RUFY2: variants seen among roughly 807,000 people sequenced by gnomAD.
The protein encoded by RUFY2 is RUN and FYVE domain containing 2, also known as RUN and FYVE domain-containing protein 2.
RUFY2 carries 49 observed loss-of-function variants against 94.4 expected under a neutral mutation model. That is an observed-to-expected ratio of 0.52 (90% CI 0.41 to 0.66). The LOEUF (loss-of-function observed/expected upper bound fraction) is 0.66. RUFY2 is among the 30% of genes least tolerant of loss of function. RUFY2 has a pLI of 0.00. For synonymous variants in RUFY2, 255 were observed against 235.7 expected, an observed-to-expected ratio of 1.08 and a Z score of -0.75; for missense variants, 541 against 692.8, an observed-to-expected ratio of 0.78 and a Z score of 2.46.
chr10:68,350,965 C>T (rs2046621720), intron 16 of RUFY2, among the ~76,000 whole-genome samples: 2 of 152,016 alleles, frequency 1.3e-5, no homozygotes, highest in African/African-American at 4.8e-5. Context: ...CCCACCTCGG[C>T]CTCCTAAAGT....
chr10:68,341,413 A>T, downstream of RUFY2: 1 of 1,279,394 alleles, frequency 7.8e-7, no homozygotes, highest in East Asian at 2.3e-5. Flanking sequence ...TGGGATTTAA[A>T]ACCATTTGAC....
chr10:68,398,809 G>C (rs943645253), intron 3 of RUFY2, among the ~76,000 whole-genome samples: 1 of 151,582 alleles, frequency 6.6e-6, no homozygotes, highest in Non-Finnish European at 1.5e-5. Flanking sequence ...AATAATTAAC[G>C]CATTTCTTAT....
chr10:68,347,147 A>G (rs1451751991), intron 16 of RUFY2, among the ~76,000 whole-genome samples: 1 of 152,138 alleles, frequency 6.6e-6, no homozygotes, highest in East Asian at 1.9e-4. Context: ...GGGAAAAAAA[A>G]AGGACCTCAC....
chr10:68,400,730 A>G (rs1304847792), intron 3 of RUFY2, among the ~76,000 whole-genome samples: 1 of 139,130 alleles, frequency 7.2e-6, no homozygotes, highest in Non-Finnish European at 1.6e-5. Flanking sequence ...AAAAGAATAT[A>G]GGCTTGGCGC....
At chr10:68,365,297 G>GA (rs1463071000) in intron 13 of RUFY2, among the ~76,000 whole-genome samples, 2 of 152,042 alleles carry the variant, frequency 1.3e-5, no homozygotes, top group East Asian at 1.9e-4. Context: ...ATGCTGACAA[G>GA]AAAAAAAACT....
At position 68,384,118 on chromosome 10, in the gene RUFY2, T is replaced by C. The variant is rs1461451980; in HGVS notation, c.755A>G (p.Gln252Arg). 1 of 1,611,146 alleles carries C rather than the reference T, an allele frequency of 6.2e-7. No individual in the cohort carries two copies. The highest frequency in any genetic ancestry group is 8.5e-7 in the Non-Finnish European group (1 of 1,179,792). ...AIAKNNIIKL[Q>R]EENHQLRSEN... Reference sequence around the variant, plus strand: ...ACTTCGTAATTGATGATTTTCTTCCTGGAGTTTAATGATGTTATTCTTTGC... The same window carrying C: ...ACTTCGTAATTGATGATTTTCTTCCCGGAGTTTAATGATGTTATTCTTTGC... The change falls in exon 9 of 18, where the codon CAG (glutamine) becomes CGG (arginine). Residue 252 changes from glutamine to arginine, a missense_variant. Around this residue, in one of 3 missense-constraint regions of RUFY2, gnomAD observed 403 missense variants for 480.7 expected, o/e 0.84. Transcript: ENST00000602465.
intron 1 of RUFY2, chr10:68,406,956 C>T (rs1014437485): frequency 1.3e-6 from 2 of 1,549,332 alleles, no homozygotes; most frequent in Non-Finnish European, 1.7e-6. Context: ...CCCTCGGCCA[C>T]TATGCCTCAG....
chr10:68,374,464 A>C (rs2048487741), intron 13 of RUFY2, among the ~76,000 whole-genome samples: 1 of 152,204 alleles, frequency 6.6e-6, no homozygotes, highest in African/African-American at 2.4e-5. Flanking sequence ...CCTACCAAGA[A>C]GACATATTAA....
chr10:68,347,435 C>T (rs990561401), intron 16 of RUFY2, among the ~76,000 whole-genome samples: 7 of 152,054 alleles, frequency 4.6e-5, no homozygotes, highest in Non-Finnish European at 5.9e-5. Flanking sequence ...AGGCACACGC[C>T]ACCATGCCCG....
chr10:68,361,723 T>A (rs1463974567), intron 15 of RUFY2, among the ~76,000 whole-genome samples: 2 of 152,224 alleles, frequency 1.3e-5, no homozygotes, highest in African/African-American at 4.8e-5. Context: ...CATTATCTCT[T>A]AATGGAATCC....
rs1284653445 is a variant in RUFY2 at position 68,364,020 on chromosome 10, AAGATG to A, written c.1414_1418del (p.His472Ter). The stretch of plus-strand genomic sequence containing the variant: ...TAATGATTTGTTGAGTCTCATTTCT[AAGATG>A]AGATAAGGCATCTTTCTCCTTTTGA... On this transcript the variant is annotated frameshift_variant, in exon 14 of 18. Transcript: ENST00000602465. LOFTEE classifies it high-confidence loss of function. 2.5e-6 allele frequency: 4 copies of A among 1,604,614 alleles called. No individual in the cohort carries two copies. The highest frequency in any genetic ancestry group is 1.3e-5 in the African/African-American group (1 of 74,784).
At chr10:68,402,312 C>T (rs1590008265) in intron 2 of RUFY2, among the ~76,000 whole-genome samples, 2 of 152,082 alleles carry the variant, frequency 1.3e-5, no homozygotes. Context: ...TTTCCTTTTC[C>T]TTGTATTTTA....
intron 7 of RUFY2, 21 bp downstream of exon 7, chr10:68,393,117 C>G: frequency 7.7e-7 from 1 of 1,291,524 alleles, no homozygotes. Context: ...CATAAATGTG[C>G]TAAGTATCCA....
chr10:68,342,634 GA>G (rs1372657448), downstream of RUFY2: 1 of 152,532 alleles, frequency 6.6e-6, no homozygotes, highest in African/African-American at 2.4e-5. Flanking sequence ...ATTGATTTCT[GA>G]ATATTCATAA....
intron 1 of RUFY2, chr10:68,406,658 C>T (rs1480347865): frequency 2.5e-6 from 3 of 1,196,654 alleles, no homozygotes; most frequent in Admixed American, 2.8e-5. Context: ...CTTGCCGGGG[C>T]CTAGAGCCCC....
intron 15 of RUFY2, among the ~76,000 whole-genome samples, chr10:68,360,482 G>A (rs1425080743): frequency 6.6e-6 from 1 of 151,898 alleles, no homozygotes; most frequent in African/African-American, 2.4e-5. Flanking sequence ...GGTGGCTCAC[G>A]CCTGTAATCC....
Position 68,404,660 on chromosome 10 carries a change from T to G in RUFY2, c.178+11A>C, listed in dbSNP as rs375527834. 2.5e-5 allele frequency: 38 copies of G among 1,505,874 alleles called. No individual in the cohort carries two copies. The African/African-American group carries it at 4.1e-4, about 16-fold the overall frequency. 93.3% of individuals were successfully genotyped at this position (1,505,874 alleles called of 1,614,324 possible). ...TCTAAAATGAATTAATTTTTTAAAA[T>G]CTCATGATACCTTTAAGACCGTGTT... On this transcript the variant is annotated intron_variant, in intron 2 of 17. Coordinates refer to ENST00000602465, the MANE Select transcript of RUFY2 (RefSeq NM_001330103.2).
intron 16 of RUFY2, 180 bp from the exon 17 acceptor site, chr10:68,346,264 G>A: frequency 1.8e-6 from 1 of 563,618 alleles, no homozygotes; most frequent in South Asian, 2.3e-5. Flanking sequence ...AATATTCTGG[G>A]TTGGGGAGGT....
intron 15 of RUFY2, among the ~76,000 whole-genome samples, chr10:68,360,285 T>C (rs945940922): frequency 1.3e-5 from 2 of 151,642 alleles, no homozygotes; most frequent in South Asian, 2.1e-4. Flanking sequence ...ATAAAATATA[T>C]AAATAAAAAT....
Sources: allele counts gnomAD v4.1 joint callset (sites outside exome capture counted in the v4.1 genomes callset), GRCh38; gene constraint gnomAD v4.1.1; regional missense constraint gnomAD v4.1.1; transcripts MANE v1.5; gene names NCBI Gene and HGNC (gene_info 2026-07-23, HGNC 2026-07-21).